The following WDR70 variants were observed in gnomAD, a reference collection of about 807,000 sequenced individuals.
WDR70 encodes the protein WD repeat domain 70.
Under a neutral mutation model 88.6 loss-of-function variants are expected in WDR70, and 53 were observed. That is an observed-to-expected ratio of 0.60 (90% CI 0.48 to 0.75). The LOEUF is 0.75. WDR70 is among the 30% of genes least tolerant of loss of function. WDR70 has a pLI of 0.00. For missense variants in WDR70, 610 were observed against 823.2 expected (o/e 0.74, Z 3.17); for synonymous variants, 280 against 270.0 (o/e 1.04, Z -0.36).
chr5:37,709,507 G>A (rs778870161), intron 13 of WDR70, among the ~76,000 whole-genome samples: 3 of 152,194 alleles, frequency 2.0e-5, no homozygotes, highest in Non-Finnish European at 4.4e-5. Context: ...GAAAGGTGGA[G>A]TTTCAGAGCA....
intron 5 of WDR70, among the ~76,000 whole-genome samples, chr5:37,414,067 C>A (rs1194131802): frequency 1.3e-5 from 2 of 150,440 alleles, no homozygotes; most frequent in East Asian, 3.9e-4. Flanking sequence ...ATCGCTTGAA[C>A]TCAGGAGGCG....
chr5:37,499,587 TTCTCTC>T (rs72226896), intron 8 of WDR70, among the ~76,000 whole-genome samples: 58 of 41,862 alleles, frequency 1.4e-3, no homozygotes, highest in African/African-American at 3.4e-3. Context: ...TTTGGAAATA[TTCTCTC>T]TCTCTCTCTC....
At chr5:37,422,794 T>G (rs905535467) in intron 5 of WDR70, among the ~76,000 whole-genome samples, 1 of 151,988 alleles carries the variant, frequency 6.6e-6, no homozygotes, top group Non-Finnish European at 1.5e-5. Context: ...AGCTAAATTT[T>G]TTTTGTATTT....
intron 9 of WDR70, among the ~76,000 whole-genome samples, chr5:37,593,069 T>C (rs1561914893): frequency 6.6e-6 from 1 of 152,160 alleles, no homozygotes; most frequent in Non-Finnish European, 1.5e-5. Flanking sequence ...GCAGGAGAAT[T>C]GCTTGAACCT....
At chr5:37,381,436 A>G (rs539227677) in intron 2 of WDR70, among the ~76,000 whole-genome samples, 166 bp from the exon 3 acceptor site, 1 of 152,304 alleles carries the variant, frequency 6.6e-6, no homozygotes, top group Admixed American at 6.5e-5. Flanking sequence ...GATTGTCAGC[A>G]GAAGTTTTCT....
Position 37,390,339 on chromosome 5 carries a change from A to AT in WDR70, c.176-1661_176-1660insT, listed in dbSNP as rs1477816889. On this transcript the variant is annotated intron_variant, in intron 3 of 17. Coordinates refer to ENST00000265107, the MANE Select transcript of WDR70 (RefSeq NM_018034.4). ...TATAGACAGAGCAGCCTATAATATA[A>AT]ATTTTTTTTTTTTTTTTGGAGACCG... Among the ~76,000 whole-genome samples the AT allele has an allele frequency of 8.0e-5, 4 of 50,006 alleles. No individual in the cohort carries two copies. The East Asian group carries it at 2.6e-3, about 33-fold the overall frequency. The allele number at this position is 50,006 out of a possible 152,430, so 32.8% of individuals were successfully genotyped here. A position where few individuals can be genotyped will look rare whatever the true frequency, so the allele number is the denominator to read the frequency against.
chr5:37,480,308 T>C (rs1024323233), intron 8 of WDR70, among the ~76,000 whole-genome samples: 1 of 152,186 alleles, frequency 6.6e-6, no homozygotes, highest in African/African-American at 2.4e-5. Flanking sequence ...TCTCTCTGTC[T>C]TTTTCTCTTG....
chr5:37,419,067 T>C lies in WDR70; in HGVS notation c.493-18855T>C, dbSNP rs181660947. On this transcript the variant is annotated intron_variant, in intron 5 of 17. Transcript: ENST00000265107. ...GTGTGAGCCACCATGTTGGGCCCAG[T>C]AATTTCTGTAAAGTAATGGAATGCT... 6.1e-4 allele frequency among the ~76,000 whole-genome samples: 93 copies of C among 152,126 alleles called. 3 individuals carry two copies. Among genetic ancestry groups the C allele is most frequent in the Admixed American group, 5.3e-3 (81 of 15,262 alleles).
At position 37,412,245 on chromosome 5, in the gene WDR70, G is replaced by T. The variant is rs1234621106; in HGVS notation, c.492+15675G>T. 3.9e-5 allele frequency among the ~76,000 whole-genome samples: 6 copies of T among 152,132 alleles called. No individual in the cohort carries two copies. In the East Asian group the frequency reaches 7.7e-4, roughly 20 times the overall value. On this transcript the variant is annotated intron_variant, in intron 5 of 17. Coordinates refer to ENST00000265107, the MANE Select transcript of WDR70 (RefSeq NM_018034.4). Reference sequence around the variant, plus strand: ...CTACTAAAAATACAAAAATTATCTGGGCGTGGTGGAGCACGCCTGTAATCC... The same window carrying T: ...CTACTAAAAATACAAAAATTATCTGTGCGTGGTGGAGCACGCCTGTAATCC...
chr5:37,713,383 A>G (rs1747570640), intron 13 of WDR70, among the ~76,000 whole-genome samples: 1 of 152,180 alleles, frequency 6.6e-6, no homozygotes. Context: ...TTCTGCTTCT[A>G]TTTCTAGTCC....
At position 37,479,962 on chromosome 5, in the gene WDR70, A is replaced by G; in HGVS notation, c.815A>G (p.Tyr272Cys). 4 of 1,614,016 alleles carry G rather than the reference A, an allele frequency of 2.5e-6. No homozygotes were observed. Among genetic ancestry groups the G allele is most frequent in the South Asian group, 1.1e-5 (1 of 91,052 alleles). The change falls in exon 8 of 18, where the codon TAT (tyrosine) becomes TGT (cysteine). Residue 272 changes from tyrosine to cysteine, a missense_variant. Tyr to Cys is a radical substitution (Grantham distance 194). This residue lies in a region of WDR70 where 83 missense variants were observed against 155.3 expected (regional missense o/e 0.53). Coordinates refer to ENST00000265107, the MANE Select transcript of WDR70 (RefSeq NM_018034.4). Reference protein sequence around the residue: ...EVMECIKGDQYIVDMANTKGH... With the variant: ...EVMECIKGDQCIVDMANTKGH... ...ATGGAATGTATAAAAGGAGACCAGTATATTGTGGACATGGCCAACACCAAG... is the reference window on the plus strand; with the variant it reads ...ATGGAATGTATAAAAGGAGACCAGTGTATTGTGGACATGGCCAACACCAAG...
At chr5:37,695,059 C>CA (rs940643793) in intron 10 of WDR70, among the ~76,000 whole-genome samples, 121 of 152,230 alleles carry the variant, frequency 7.9e-4, no homozygotes, top group African/African-American at 2.7e-3. Flanking sequence ...ATACAGGAAG[C>CA]ATGATGCTGG....
chr5:37,606,216 G>A (rs1231644343), intron 10 of WDR70, among the ~76,000 whole-genome samples: 2 of 152,148 alleles, frequency 1.3e-5, no homozygotes, highest in African/African-American at 4.8e-5. Context: ...AAAAAGTGTT[G>A]ATAGACGGGA....
At chr5:37,675,081 T>G (rs918362790) in intron 10 of WDR70, among the ~76,000 whole-genome samples, 1 of 151,980 alleles carries the variant, frequency 6.6e-6, no homozygotes, top group African/African-American at 2.4e-5. Context: ...GATGCGGTTG[T>G]TTGTTTTCTT....
chr5:37,719,224 C>T (rs1416000432), intron 13 of WDR70, among the ~76,000 whole-genome samples: 1 of 152,004 alleles, frequency 6.6e-6, no homozygotes, highest in Non-Finnish European at 1.5e-5. Context: ...CTTTGTAGAC[C>T]ATGAGCTATT....
intron 9 of WDR70, among the ~76,000 whole-genome samples, chr5:37,536,858 A>G (rs1039242709): frequency 5.9e-5 from 9 of 151,998 alleles, no homozygotes; most frequent in Non-Finnish European, 1.2e-4. Context: ...TTTCCTCTCT[A>G]GAGGACTTTT....
At chr5:37,487,591 G>GTGTATATATA (rs1464435902) in intron 8 of WDR70, among the ~76,000 whole-genome samples, 1 of 103,166 alleles carries the variant, frequency 9.7e-6, no homozygotes, top group African/African-American at 3.3e-5. Context: ...ATATGGGTAT[G>GTGTATATATA]TATATATAAA....
At chr5:37,537,510 G>T (rs1487102110) in intron 9 of WDR70, among the ~76,000 whole-genome samples, 1 of 152,110 alleles carries the variant, frequency 6.6e-6, no homozygotes. Flanking sequence ...AGGTTAGGAG[G>T]AGTACATATA....
intron 8 of WDR70, among the ~76,000 whole-genome samples, chr5:37,484,609 T>C (rs1366984197): frequency 5.9e-5 from 9 of 152,218 alleles, no homozygotes; most frequent in Non-Finnish European, 1.0e-4. Flanking sequence ...CAGTTTTTAA[T>C]GTAAATATTT....
Sources: allele counts gnomAD v4.1 joint callset (sites outside exome capture counted in the v4.1 genomes callset), GRCh38; gene constraint gnomAD v4.1.1; regional missense constraint gnomAD v4.1.1; transcripts MANE v1.5; gene names NCBI Gene and HGNC (gene_info 2026-07-23, HGNC 2026-07-21).